The following EXOC4 variants were observed in gnomAD, a reference collection of about 807,000 sequenced individuals.
EXOC4 encodes exocyst complex component 4, also known as SEC8-like 1.
In EXOC4, 71 loss-of-function variants were observed where a neutral mutation model predicts 107.2. The ratio of observed to expected loss-of-function variants is 0.66; its 90% CI spans 0.55 to 0.81. EXOC4 has a LOEUF of 0.81. Among genes scored for constraint, EXOC4 ranks in the 30% least tolerant of loss-of-function variants. EXOC4 has a pLI of 0.00. For synonymous variants in EXOC4, 456 were observed against 441.2 expected (o/e 1.03, Z -0.42); for missense variants, 1,108 against 1,189.6 (o/e 0.93, Z 1.01).
chr7:133,366,534 CT>C (rs1796252727), intron 6 of EXOC4, among the ~76,000 whole-genome samples: 1 of 152,102 alleles, frequency 6.6e-6, no homozygotes, highest in South Asian at 2.1e-4. Context: ...CAGTTCGTAA[CT>C]GTACTTCATG....
chr7:133,642,438 C>A (rs1802880376), intron 10 of EXOC4, among the ~76,000 whole-genome samples: 1 of 152,182 alleles, frequency 6.6e-6, no homozygotes. Context: ...TTCCCTCCAT[C>A]CCCTTTGGGA....
intron 9 of EXOC4, among the ~76,000 whole-genome samples, chr7:133,482,694 A>T (rs1799184800): frequency 6.6e-6 from 1 of 152,148 alleles, no homozygotes; most frequent in African/African-American, 2.4e-5. Context: ...AATAAAAGTA[A>T]CACTCCCTAC....
rs1563029921 is a variant in EXOC4 at position 133,857,187 on chromosome 7, TATATATATATATA to T, written c.1735-38411_1735-38399del. Reference sequence around the variant, plus strand: ...ATATATATATATATATATATATATATATATATATATATATTTTACCTCTACTTAACCTCCCTGG... The same window carrying T: ...ATATATATATATATATATATATATATTTTTACCTCTACTTAACCTCCCTGG... On this transcript the variant is annotated intron_variant, in intron 11 of 17. Coordinates refer to ENST00000253861, the MANE Select transcript of EXOC4 (RefSeq NM_021807.4). Among the ~76,000 whole-genome samples, 172 of 33,822 alleles carry T rather than the reference TATATATATATATA, an allele frequency of 5.1e-3. 8 individuals carry two copies. The highest frequency in any genetic ancestry group is 7.7e-3 in the South Asian group (8 of 1,038). 22.2% of individuals were successfully genotyped at this position (33,822 alleles called of 152,430 possible).
intron 9 of EXOC4, among the ~76,000 whole-genome samples, chr7:133,624,965 T>TA (rs1188896063): frequency 3.3e-5 from 5 of 151,834 alleles, no homozygotes; most frequent in East Asian, 1.9e-4. Flanking sequence ...TTTTATAAAT[T>TA]AAAAAAAAGT....
chr7:133,974,968 C>T (rs1793792878), intron 14 of EXOC4, among the ~76,000 whole-genome samples: 3 of 151,976 alleles, frequency 2.0e-5, no homozygotes, highest in Admixed American at 6.6e-5. Context: ...TGGCAAAGTA[C>T]CAGATGGACC....
Position 133,650,488 on chromosome 7 carries a change from G to GT in EXOC4, c.1514+20354dup, listed in dbSNP as rs1202130906. On this transcript the variant is annotated intron_variant, in intron 10 of 17. Transcript: ENST00000253861. The stretch of plus-strand genomic sequence containing the variant: ...CAATTTTTAATCTTCAAATTGGTGG[G>GT]TTTTTTTAAATAAAAAAAGCCAGAA... Among the ~76,000 whole-genome samples the GT allele has an allele frequency of 2.6e-5, 4 of 151,842 alleles. No homozygotes were observed. The South Asian group carries it at 6.2e-4, about 24-fold the overall frequency.
At chr7:133,671,890 G>T (rs1793954159) in intron 10 of EXOC4, among the ~76,000 whole-genome samples, 1 of 152,182 alleles carries the variant, frequency 6.6e-6, no homozygotes, top group Admixed American at 6.5e-5. Context: ...TCGTGAGTTT[G>T]GTTTGGGACA....
chr7:133,406,111 CTT>C (rs1797210605), intron 7 of EXOC4, among the ~76,000 whole-genome samples: 1 of 152,156 alleles, frequency 6.6e-6, no homozygotes, highest in African/African-American at 2.4e-5. Flanking sequence ...TCATAGAGCT[CTT>C]TTGTGCGTCT....
intron 7 of EXOC4, among the ~76,000 whole-genome samples, chr7:133,378,514 G>A (rs1796543161): frequency 6.6e-6 from 1 of 151,804 alleles, no homozygotes; most frequent in Admixed American, 6.6e-5. Context: ...AGTGTATGTG[G>A]GTTTTATAAT....
At chr7:133,846,507 C>A (rs902483193) in intron 11 of EXOC4, among the ~76,000 whole-genome samples, 13 of 152,320 alleles carry the variant, frequency 8.5e-5, no homozygotes, top group Admixed American at 5.9e-4. Context: ...TAGGGAGTCC[C>A]TTTCCAGTAC....
At chr7:133,830,269 G>A (rs1345770253) in intron 11 of EXOC4, among the ~76,000 whole-genome samples, 3 of 152,150 alleles carry the variant, frequency 2.0e-5, no homozygotes, top group South Asian at 2.1e-4. Flanking sequence ...TCAGGCACTC[G>A]CAGAAGTGCT....
At chr7:134,012,875 C>T (rs1319308379) in intron 17 of EXOC4, among the ~76,000 whole-genome samples, 1 of 152,078 alleles carries the variant, frequency 6.6e-6, no homozygotes, top group Non-Finnish European at 1.5e-5. Context: ...GGGTGTTGTC[C>T]CAGAAGTCAA....
intron 11 of EXOC4, among the ~76,000 whole-genome samples, chr7:133,837,801 G>A (rs186954022): frequency 2.8e-4 from 43 of 152,228 alleles, no homozygotes; most frequent in African/African-American, 9.6e-4. Context: ...TGTATGTTAT[G>A]GTTTTCTCTT....
At chr7:134,055,646 C>T (rs1037084781) in intron 17 of EXOC4, among the ~76,000 whole-genome samples, 1 of 152,174 alleles carries the variant, frequency 6.6e-6, no homozygotes, top group African/African-American at 2.4e-5. Flanking sequence ...CAACCCTGGT[C>T]GTCATTTGGA....
At chr7:133,521,029 A>G (rs1467995874) in intron 9 of EXOC4, among the ~76,000 whole-genome samples, 1 of 152,208 alleles carries the variant, frequency 6.6e-6, no homozygotes, top group East Asian at 1.9e-4. Flanking sequence ...GGGCTTGTAA[A>G]TGCACATTAC....
chr7:133,460,101 A>G lies in EXOC4; in HGVS notation c.1183-15227A>G, dbSNP rs113613336. ...CAGTTTCATGGAAGAGAGTTTTTCC[A>G]TGTATGGAGGGTGGCTGGTGATGGT... On this transcript the variant is annotated intron_variant, in intron 7 of 17. Coordinates refer to ENST00000253861, the MANE Select transcript of EXOC4 (RefSeq NM_021807.4). 3.6e-3 allele frequency among the ~76,000 whole-genome samples: 548 copies of G among 152,230 alleles called. 5 individuals are homozygous for G. The highest frequency in any genetic ancestry group is 0.012 in the African/African-American group (511 of 41,544).
intron 17 of EXOC4, among the ~76,000 whole-genome samples, chr7:134,058,224 A>G (rs1795975330): frequency 6.6e-6 from 1 of 152,208 alleles, no homozygotes; most frequent in Non-Finnish European, 1.5e-5. Context: ...AGTCAATACT[A>G]ACTTTTATTC....
intron 9 of EXOC4, among the ~76,000 whole-genome samples, chr7:133,612,750 G>C (rs1418401232): frequency 6.6e-6 from 1 of 152,136 alleles, no homozygotes; most frequent in Non-Finnish European, 1.5e-5. Context: ...GAGGTACTGG[G>C]ATTCTTTATG....
intron 9 of EXOC4, among the ~76,000 whole-genome samples, chr7:133,503,481 A>T (rs1456531287): frequency 6.6e-6 from 1 of 152,118 alleles, no homozygotes; most frequent in Non-Finnish European, 1.5e-5. Context: ...AGTCTTGCTT[A>T]ATCCTCCTTC....
Sources: gnomAD v4.1 joint callset for allele counts (sites outside exome capture counted in the v4.1 genomes callset) on GRCh38, gnomAD v4.1.1 for gene constraint, MANE v1.5 for transcripts, NCBI Gene and HGNC (gene_info 2026-07-23, HGNC 2026-07-21) for gene names.